The following ALDH1A1 variants were observed in gnomAD, a reference collection of about 807,000 sequenced individuals.
ALDH1A1 encodes the protein aldehyde dehydrogenase 1 family member A1.
Under a neutral mutation model 62.1 loss-of-function variants are expected in ALDH1A1, and 19 were observed. That is an observed-to-expected ratio of 0.31 (90% CI 0.21 to 0.45). The LOEUF (loss-of-function observed/expected upper bound fraction) is 0.45. Ranked by LOEUF, ALDH1A1 falls within the 20% of genes least tolerant of loss-of-function variation. The pLI is 1.00. For missense variants in ALDH1A1, 521 were observed against 607.1 expected, an observed-to-expected ratio of 0.86 and a Z score of 1.49; for synonymous variants, 231 against 215.9, an observed-to-expected ratio of 1.07 and a Z score of -0.61.
intron 2 of ALDH1A1, among the ~76,000 whole-genome samples, chr9:72,938,567 C>T (rs910915340): frequency 3.3e-5 from 5 of 152,148 alleles, no homozygotes; most frequent in African/African-American, 1.2e-4. Flanking sequence ...CTACCTCAGC[C>T]TCCCGAGTAG....
intron 9 of ALDH1A1, among the ~76,000 whole-genome samples, chr9:72,916,419 A>G (rs993704594): frequency 3.3e-5 from 5 of 152,298 alleles, no homozygotes; most frequent in South Asian, 4.1e-4. Flanking sequence ...CAACTGAAAT[A>G]CGAAGTTTGC....
intron 7 of ALDH1A1, among the ~76,000 whole-genome samples, chr9:72,921,752 G>T (rs1474535306): frequency 6.9e-6 from 1 of 145,914 alleles, no homozygotes; most frequent in East Asian, 2.0e-4. Flanking sequence ...TTCTTACTGT[G>T]ATGGTTTCTG....
chr9:72,924,378 T>A (rs1043296489), intron 6 of ALDH1A1, among the ~76,000 whole-genome samples: 8 of 152,216 alleles, frequency 5.3e-5, no homozygotes, highest in African/African-American at 1.9e-4. Flanking sequence ...TATGAATCAT[T>A]GCTCCAGTGA....
chr9:72,940,691 T>TA (rs1194078908), intron 1 of ALDH1A1, among the ~76,000 whole-genome samples: 8 of 152,158 alleles, frequency 5.3e-5, no homozygotes, highest in Non-Finnish European at 1.2e-4. Context: ...GTTTTAAAGT[T>TA]AAAAAAAGAA....
intron 1 of ALDH1A1, among the ~76,000 whole-genome samples, chr9:72,952,066 A>C (rs1830549226): frequency 6.6e-6 from 1 of 152,016 alleles, no homozygotes; most frequent in Admixed American, 6.6e-5. Context: ...TCAGACAGCA[A>C]AATGGCTCTC....
intron 9 of ALDH1A1, among the ~76,000 whole-genome samples, chr9:72,915,670 A>G (rs1830053395): frequency 1.3e-5 from 2 of 152,176 alleles, no homozygotes; most frequent in African/African-American, 2.4e-5. Context: ...TTAGATTTCA[A>G]TATGTTACAC....
intron 10 of ALDH1A1, among the ~76,000 whole-genome samples, chr9:72,910,885 A>G (rs965290033): frequency 2.0e-5 from 3 of 152,180 alleles, no homozygotes; most frequent in Admixed American, 6.5e-5. Flanking sequence ...AAATGTGTTC[A>G]TATTTTACAT....
At chr9:72,944,547 GT>G (rs1206734791) in intron 1 of ALDH1A1, among the ~76,000 whole-genome samples, 1 of 151,956 alleles carries the variant, frequency 6.6e-6, no homozygotes, top group Non-Finnish European at 1.5e-5. Context: ...GTGACCAAAC[GT>G]TTTTGTATAA....
intron 7 of ALDH1A1, among the ~76,000 whole-genome samples, chr9:72,921,276 A>G (rs527573067): frequency 4.6e-5 from 7 of 151,840 alleles, no homozygotes; most frequent in African/African-American, 1.7e-4. Flanking sequence ...TACCTTGCCT[A>G]AAGTGTTGTT....
At chr9:72,901,782 C>A (rs552525629) in intron 12 of ALDH1A1, among the ~76,000 whole-genome samples, 1 of 151,902 alleles carries the variant, frequency 6.6e-6, no homozygotes, top group Non-Finnish European at 1.5e-5. Context: ...AGTACTAGAG[C>A]AGAGCTTGTA....
At chr9:72,903,121 G>A (rs188443037) in intron 12 of ALDH1A1, among the ~76,000 whole-genome samples, 30 of 152,094 alleles carry the variant, frequency 2.0e-4, no homozygotes, top group African/African-American at 5.5e-4. Flanking sequence ...CTCACTATAC[G>A]ACCATTAGTT....
chr9:72,934,384 T>A (rs1331285919), intron 2 of ALDH1A1, among the ~76,000 whole-genome samples: 8 of 152,194 alleles, frequency 5.3e-5, no homozygotes, highest in Non-Finnish European at 1.0e-4. Context: ...GCTAATCTTC[T>A]GCAAATAATT....
intron 7 of ALDH1A1, among the ~76,000 whole-genome samples, chr9:72,923,146 A>G (rs574782469): frequency 2.0e-5 from 3 of 152,256 alleles, no homozygotes; most frequent in African/African-American, 7.2e-5. Flanking sequence ...TCTAGTACCC[A>G]TTTGGACATC....
At chr9:72,908,555 GAAAGAAAGAAAGAAAGAA>G (rs1564622503) in intron 11 of ALDH1A1, among the ~76,000 whole-genome samples, 1 of 3,262 alleles carries the variant, frequency 3.1e-4, no homozygotes, top group African/African-American at 7.0e-4. Context: ...AAAGAAAGAA[GAAAGAAAGAAAGAAAGAA>G]AGAAAGAAAG....
chr9:72,930,543 A>G (rs895250269), intron 3 of ALDH1A1, among the ~76,000 whole-genome samples: 1 of 152,148 alleles, frequency 6.6e-6, no homozygotes, highest in Non-Finnish European at 1.5e-5. Flanking sequence ...AACCTAATAT[A>G]TCATTCTAGG....
chr9:72,917,102 C>T lies in ALDH1A1; in HGVS notation c.853G>A (p.Asp285Asn). ...TGGTGTGCAAATTCAACAGCATTGTCCACTGCGAAGAAGACATTCACATTA... is the reference window on the plus strand; with the variant it reads ...TGGTGTGCAAATTCAACAGCATTGTTCACTGCGAAGAAGACATTCACATTA... The part of the protein sequence containing the change: ...PCIVLADADL[D>N]NAVEFAHHGV... Residue 285 changes from aspartate (D) to asparagine (N), a missense_variant and splice_region_variant, in exon 9 of 13, where the codon GAC (aspartate) becomes AAC (asparagine). By Grantham distance (23) the Asp-to-Asn change is conservative (BLOSUM62 1). Transcript: ENST00000297785. 1 of 1,563,790 alleles carries T rather than the reference C, an allele frequency of 6.4e-7. No individual in the cohort carries two copies. The highest frequency in any genetic ancestry group is 8.7e-7 in the Non-Finnish European group (1 of 1,154,750).
chr9:72,931,971 A>C (rs1466306796), intron 2 of ALDH1A1, among the ~76,000 whole-genome samples: 1 of 152,202 alleles, frequency 6.6e-6, no homozygotes, highest in African/African-American at 2.4e-5. Context: ...TTTCTACACC[A>C]GATATATTCT....
intron 1 of ALDH1A1, among the ~76,000 whole-genome samples, chr9:72,943,027 C>A (rs1199901269): frequency 6.6e-6 from 1 of 152,118 alleles, no homozygotes; most frequent in African/African-American, 2.4e-5. Context: ...TTAAATCAGT[C>A]TTTCAAAACC....
At chr9:72,910,775 G>A (rs1829972671) in intron 10 of ALDH1A1, among the ~76,000 whole-genome samples, 1 of 152,158 alleles carries the variant, frequency 6.6e-6, no homozygotes, top group Admixed American at 6.5e-5. Flanking sequence ...AATGTTAGAA[G>A]GGAGGGGCTG....
Sources: allele counts gnomAD v4.1 joint callset (sites outside exome capture counted in the v4.1 genomes callset), GRCh38; gene constraint gnomAD v4.1.1; transcripts MANE v1.5; gene names NCBI Gene and HGNC (gene_info 2026-07-23, HGNC 2026-07-21).